SPTBN4: variants seen among roughly 807,000 people sequenced by gnomAD.
The protein encoded by SPTBN4 is spectrin beta chain, non-erythrocytic 4.
SPTBN4 carries 96 observed loss-of-function variants against 277.8 expected under a neutral mutation model. The ratio of observed to expected loss-of-function variants is 0.35; its 90% CI spans 0.29 to 0.41. The LOEUF (loss-of-function observed/expected upper bound fraction) is 0.41, where lower values mean the gene tolerates loss of function less well. Among genes scored for constraint, SPTBN4 ranks in the 10% least tolerant of loss-of-function variants. The pLI is 1.00. For missense variants in SPTBN4, 3,006 were observed against 3,595.7 expected (o/e 0.84, Z 4.19); for synonymous variants, 1,481 against 1,580.3 (o/e 0.94, Z 1.49).
chr19:40,471,586 A>T (rs902942470), intron 1 of SPTBN4, among the ~76,000 whole-genome samples: 1 of 152,142 alleles, frequency 6.6e-6, no homozygotes, highest in Non-Finnish European at 1.5e-5. Context: ...TATTATTATT[A>T]TTTAGAAATA....
Position 40,556,146 on chromosome 19 carries a change from G to A in SPTBN4, c.5147G>A (p.Gly1716Asp). 6.2e-7 allele frequency: 1 copy of A among 1,613,224 alleles called. No homozygotes were observed. Among genetic ancestry groups the A allele is most frequent in the Non-Finnish European group, 8.5e-7 (1 of 1,180,022 alleles). The change falls in exon 25 of 36, where the codon GGT becomes GAT. Residue 1716 changes from glycine (G) to aspartate (D), a missense_variant. Gly to Asp is a moderately conservative substitution (Grantham distance 94). This residue lies in a region of SPTBN4 where 425 missense variants were observed against 594.7 expected (regional missense o/e 0.71). Coordinates refer to ENST00000598249, the MANE Select transcript of SPTBN4 (RefSeq NM_020971.3). Reference sequence around the variant, plus strand: ...CTGTACGTGGCGCTCAAGGAGCTGGGTGAGGAGCGCCGGGTGGCTCTGGAA... The same window carrying A: ...CTGTACGTGGCGCTCAAGGAGCTGGATGAGGAGCGCCGGGTGGCTCTGGAA... The part of the protein sequence containing the change: ...DRLYVALKEL[G>D]EERRVALEQQ...
Position 40,570,456 on chromosome 19 carries a change from C to A in SPTBN4, c.7047C>A (p.Arg2349=), listed in dbSNP as rs771292687. The A allele has an allele frequency of 6.4e-7, 1 of 1,566,740 alleles. No individual in the cohort carries two copies. Among genetic ancestry groups the A allele is most frequent in the Non-Finnish European group, 8.6e-7 (1 of 1,165,342 alleles). Residue 2349 remains arginine, a synonymous_variant, in exon 33 of 36, where the codon CGC becomes CGA. Transcript: ENST00000598249. The part of the protein sequence containing the change: ...LPAGPSLPQP[R]ELPPGRLPNG... ...CACAGCCGTCGCTGCCTCAGCCACG[C>A]GAGCTTCCCCCAGGTCGCCTGCCCA... is the stretch of plus-strand genomic sequence containing the variant.
rs1001101091 is a variant in SPTBN4 at position 40,565,712 on chromosome 19, A to C, written c.6106A>C (p.Lys2036Gln). The C allele has an allele frequency of 1.9e-5, 30 of 1,553,852 alleles. No homozygotes were observed. The highest frequency in any genetic ancestry group is 2.6e-6 in the Non-Finnish European group (3 of 1,148,414). Residue 2036 changes from lysine (K) to glutamine (Q), a missense_variant, in exon 29 of 36, where the codon AAG becomes CAG. Lys to Gln is a moderately conservative substitution (Grantham distance 53). Coordinates refer to ENST00000598249, the MANE Select transcript of SPTBN4 (RefSeq NM_020971.3). The part of the protein sequence containing the change: ...LGTRKEEVSE[K>Q]WDRHWEWLQQ... ...AACCAGGAAGGAGGAGGTGTCGGAA[A>C]AGTGGGACCGCCATTGGGAGTGGCT...
intron 6 of SPTBN4, among the ~76,000 whole-genome samples, chr19:40,496,931 G>A (rs889904302): frequency 3.3e-5 from 5 of 151,848 alleles, no homozygotes. Flanking sequence ...AAATTAGCAG[G>A]GCCTGGTGGT....
chr19:40,493,116 C>T, intron 5 of SPTBN4, 62 bp downstream of exon 5: 2 of 1,511,932 alleles, frequency 1.3e-6, no homozygotes, highest in Non-Finnish European at 1.8e-6. Context: ...CTCTGCAATT[C>T]CTTCCCAGAC....
intron 27 of SPTBN4, among the ~76,000 whole-genome samples, chr19:40,564,606 G>C (rs879618618): frequency 6.6e-6 from 1 of 152,168 alleles, no homozygotes; most frequent in Non-Finnish European, 1.5e-5. Context: ...GGGAGGCTGA[G>C]GCAGGTGGAT....
At chr19:40,504,251 A>G in intron 12 of SPTBN4, 119 bp downstream of exon 12, 1 of 1,095,098 alleles carries the variant, frequency 9.1e-7, no homozygotes, top group Non-Finnish European at 1.3e-6. Flanking sequence ...AGAAGAAGAT[A>G]GAGAGAAAGC....
At chr19:40,548,555 A>G (rs1335898237) in intron 20 of SPTBN4, among the ~76,000 whole-genome samples, 2 of 151,784 alleles carry the variant, frequency 1.3e-5, no homozygotes, top group African/African-American at 4.8e-5. Flanking sequence ...ATCTCTACAA[A>G]AATACAAAAA....
intron 5 of SPTBN4, among the ~76,000 whole-genome samples, chr19:40,493,898 T>G (rs1198733058): frequency 2.0e-5 from 3 of 152,334 alleles, no homozygotes; most frequent in African/African-American, 7.2e-5. Flanking sequence ...CACATTCACC[T>G]GTGTGGACCC....
chr19:40,489,382 C>CA (rs11400236), intron 3 of SPTBN4, among the ~76,000 whole-genome samples: 34,135 of 151,462 alleles, frequency 0.23, 5,412 homozygotes, highest in African/African-American at 0.46. Context: ...GGGTGTGACG[C>CA]GGAGTTTTTG....
chr19:40,499,936 G>A (rs1053651485), intron 7 of SPTBN4, among the ~76,000 whole-genome samples: 11 of 151,962 alleles, frequency 7.2e-5, no homozygotes, highest in African/African-American at 2.7e-4. Flanking sequence ...TGTGCATCCA[G>A]TGGGTAAATT....
In SPTBN4 at chr19:40,529,940, C is replaced by T. The variant is rs78636815; in HGVS notation, c.3948+809C>T. 4.3e-3 allele frequency among the ~76,000 whole-genome samples: 658 copies of T among 152,272 alleles called. 7 individuals carry two copies. Among genetic ancestry groups the T allele is most frequent in the African/African-American group, 0.015 (637 of 41,556 alleles). ...AATTAAAGACGATTCGACCCTCCCC[C>T]CTATGTTGAACACCCATGGGAGATT... is the stretch of plus-strand genomic sequence containing the variant. On this transcript the variant is annotated intron_variant, in intron 18 of 35. Coordinates refer to ENST00000598249, the MANE Select transcript of SPTBN4 (RefSeq NM_020971.3).
rs773736099 is a variant in SPTBN4 at position 40,575,488 on chromosome 19, A to G, written c.7614A>G (p.Thr2538=). Residue 2538 remains threonine (T), a synonymous_variant, in exon 36 of 36, where the codon ACA becomes ACG. Coordinates refer to ENST00000598249, the MANE Select transcript of SPTBN4 (RefSeq NM_020971.3). Reference sequence around the variant, plus strand: ...CAGAGATCGCCCGCTGGGGCCAGACACTACCCACTACTTCATCCACAGATG... The same window carrying G: ...CAGAGATCGCCCGCTGGGGCCAGACGCTACCCACTACTTCATCCACAGATG... ...EHAEIARWGQ[T]LPTTSSTDEG... 16 of 1,613,224 alleles carry G rather than the reference A, an allele frequency of 9.9e-6. No homozygotes were observed. Among genetic ancestry groups the G allele is most frequent in the Non-Finnish European group, 5.9e-6 (7 of 1,179,880 alleles).
At chr19:40,477,576 G>A (rs1265913399) in intron 2 of SPTBN4, among the ~76,000 whole-genome samples, 5 of 152,176 alleles carry the variant, frequency 3.3e-5, no homozygotes, top group Non-Finnish European at 7.3e-5. Context: ...ACAAGCATCA[G>A]GCTGTGATGG....
chr19:40,574,115 CAAACA>C (rs139015416), intron 35 of SPTBN4, among the ~76,000 whole-genome samples: 56,176 of 150,086 alleles, frequency 0.37, 11,057 homozygotes, highest in Non-Finnish European at 0.43. Context: ...ACAAAACAAA[CAAACA>C]AAACAAAACA....
In SPTBN4 at chr19:40,557,400, C is replaced by G; in HGVS notation, c.5667C>G (p.Ser1889=). The G allele has an allele frequency of 6.4e-7, 1 of 1,554,026 alleles. No homozygotes were observed. Among genetic ancestry groups the G allele is most frequent in the South Asian group, 1.2e-5 (1 of 83,108 alleles). Residue 1889 remains serine (S), a synonymous_variant, in exon 26 of 36, where the codon TCC becomes TCG. Coordinates refer to ENST00000598249, the MANE Select transcript of SPTBN4 (RefSeq NM_020971.3). ...AGCATGACCTGCAGCTCCTCGTGTC[C>G]CAGGTGGGGCGCCGGTGGCCATCAG... is the stretch of plus-strand genomic sequence containing the variant. ...AFEHDLQLLV[S]QVRQLQEGAA... is the part of the protein sequence containing the mutation.
At chr19:40,468,288 G>T (rs1284826275) in intron 1 of SPTBN4, among the ~76,000 whole-genome samples, 1 of 151,776 alleles carries the variant, frequency 6.6e-6, no homozygotes, top group Non-Finnish European at 1.5e-5. Flanking sequence ...TGTTGGTAAG[G>T]CTGGTCTCCA....
At chr19:40,522,141 G>C (rs913775495) in intron 16 of SPTBN4, among the ~76,000 whole-genome samples, 3 of 151,818 alleles carry the variant, frequency 2.0e-5, no homozygotes, top group Non-Finnish European at 4.4e-5. Flanking sequence ...ATCCTCCCAC[G>C]TCAGCCCTCC....
chr19:40,570,802 A>T, intron 33 of SPTBN4, 74 bp downstream of exon 33: 1 of 1,501,256 alleles, frequency 6.7e-7, no homozygotes, highest in Non-Finnish European at 8.9e-7. Flanking sequence ...GGTGGGACTG[A>T]GGAGGGGGTG....
Sources: gnomAD v4.1 joint callset for allele counts (sites outside exome capture counted in the v4.1 genomes callset) on GRCh38, gnomAD v4.1.1 for gene constraint, gnomAD v4.1.1 regional missense constraint, MANE v1.5 for transcripts, NCBI Gene and HGNC (gene_info 2026-07-23, HGNC 2026-07-21) for gene names.